The following FOXP1 variants were observed in gnomAD, a reference collection of about 807,000 sequenced individuals.
FOXP1 encodes the protein forkhead box P1.
A neutral mutation model predicts 98.2 loss-of-function variants in FOXP1; 15 were observed. The observed-to-expected ratio is 0.15, with a 90% CI of 0.10 to 0.24. The LOEUF (loss-of-function observed/expected upper bound fraction) is 0.24. Ranked by LOEUF, FOXP1 falls within the 10% of genes least tolerant of loss-of-function variation. The pLI is 1.00. For missense variants in FOXP1, 633 were observed against 848.5 expected (o/e 0.75, Z 3.15); for synonymous variants, 371 against 314.5 (o/e 1.18, Z -1.90).
intron 6 of FOXP1, among the ~76,000 whole-genome samples, chr3:71,196,013 G>C (rs975965142): frequency 9.9e-5 from 15 of 152,120 alleles, no homozygotes; most frequent in African/African-American, 3.6e-4. Flanking sequence ...ATACTTAGGG[G>C]AGTTGAACAG....
At chr3:70,967,710 G>GTTTTTTTTTTTTTTTTTTTTTTTT (rs756777959) in intron 19 of FOXP1, among the ~76,000 whole-genome samples, 9 of 68,874 alleles carry the variant, frequency 1.3e-4, no homozygotes, top group Non-Finnish European at 1.6e-4. Flanking sequence ...GTTTTTTTTT[G>GTTTTTTTTTTTTTTTTTTTTTTTT]TTTTTTTTTT....
At position 71,167,898 on chromosome 3, in the gene FOXP1, C is replaced by G. The variant is rs2061466980; in HGVS notation, c.180+30304G>C. Among the ~76,000 whole-genome samples, 2 of 152,174 alleles carry G rather than the reference C, an allele frequency of 1.3e-5. 1 individual carries two copies. Among genetic ancestry groups the G allele is most frequent in the South Asian group, 4.1e-4 (2 of 4,824 alleles). On this transcript the variant is annotated intron_variant, in intron 6 of 20. Transcript: ENST00000649528. ...CTTACTTGTAGAGCTAACTTCTACA[C>G]TCCTGCAATATGTTCCTTAACATTG...
At chr3:71,011,910 G>A (rs1158322695) in intron 12 of FOXP1, among the ~76,000 whole-genome samples, 1 of 152,092 alleles carries the variant, frequency 6.6e-6, no homozygotes, top group East Asian at 1.9e-4. Context: ...CAATTCTAAT[G>A]ATCTTTATTT....
chr3:71,305,248 G>A (rs1323405313), intron 4 of FOXP1, among the ~76,000 whole-genome samples: 1 of 152,178 alleles, frequency 6.6e-6, no homozygotes, highest in African/African-American at 2.4e-5. Context: ...AATTCCTAGA[G>A]CAAACAGTTA....
chr3:71,412,700 G>A (rs908825926), intron 3 of FOXP1, among the ~76,000 whole-genome samples: 4 of 152,100 alleles, frequency 2.6e-5, no homozygotes, highest in Non-Finnish European at 5.9e-5. Context: ...GTAGTCCCAA[G>A]AAACACTGGG....
At chr3:71,092,645 G>A (rs1230640670) in intron 7 of FOXP1, among the ~76,000 whole-genome samples, 1 of 152,088 alleles carries the variant, frequency 6.6e-6, no homozygotes, top group East Asian at 1.9e-4. Flanking sequence ...TCCATCTTAA[G>A]CCTGCACAAA....
intron 2 of FOXP1, among the ~76,000 whole-genome samples, chr3:71,515,447 A>AC (rs1553906425): frequency 2.1e-5 from 3 of 145,218 alleles, no homozygotes; most frequent in Admixed American, 1.4e-4. Flanking sequence ...AAAAAAAAAA[A>AC]AAAAAACTGC....
At chr3:71,248,921 A>G (rs2067972030) in intron 5 of FOXP1, among the ~76,000 whole-genome samples, 1 of 152,170 alleles carries the variant, frequency 6.6e-6, no homozygotes, top group Non-Finnish European at 1.5e-5. Context: ...GTGGTCACTG[A>G]TCACAAAAAA....
intron 3 of FOXP1, among the ~76,000 whole-genome samples, chr3:71,468,340 T>G (rs2088984317): frequency 6.6e-6 from 1 of 152,168 alleles, no homozygotes; most frequent in Non-Finnish European, 1.5e-5. Context: ...TATGCCTGAT[T>G]GACGTGAAGG....
intron 3 of FOXP1, among the ~76,000 whole-genome samples, chr3:71,370,236 T>C (rs1297117028): frequency 2.0e-5 from 3 of 152,058 alleles, no homozygotes; most frequent in Non-Finnish European, 2.9e-5. Flanking sequence ...GCCAAATAGA[T>C]TGAGTAATAC....
rs544916383 is a variant in FOXP1, at chr3:70,979,279, C to CAAAAAAAAAAAAAAAAAAAAA, written c.1147-1271_1147-1251dup. Among the ~76,000 whole-genome samples, 9 of 42,554 alleles carry CAAAAAAAAAAAAAAAAAAAAA rather than the reference C, an allele frequency of 2.1e-4. 3 individuals are homozygous for CAAAAAAAAAAAAAAAAAAAAA. The highest frequency in any genetic ancestry group is 3.4e-4 in the Non-Finnish European group (9 of 26,844). The allele number at this position is 42,554 out of a possible 152,430, so 27.9% of individuals were successfully genotyped here. ...TGGGTGATAGAGTGAGACTCTACCTCAAAAAAAAAAAAAAAAAAAAAAAAA... is the reference window on the plus strand; with the variant it reads ...TGGGTGATAGAGTGAGACTCTACCTCAAAAAAAAAAAAAAAAAAAAAAAAAAAAAAAAAAAAAAAAAAAAAA... On this transcript the variant is annotated intron_variant, in intron 14 of 20. Transcript: ENST00000649528.
intron 3 of FOXP1, among the ~76,000 whole-genome samples, chr3:71,448,529 G>T (rs1235443241): frequency 6.6e-6 from 1 of 152,160 alleles, no homozygotes; most frequent in African/African-American, 2.4e-5. Flanking sequence ...AGGGTCTGTT[G>T]TTATTGACCT....
chr3:71,058,561 C>T (rs1185114817), intron 7 of FOXP1, among the ~76,000 whole-genome samples: 3 of 128,976 alleles, frequency 2.3e-5, no homozygotes, highest in Non-Finnish European at 5.0e-5. Context: ...AATGTCACAA[C>T]AAAACCAAAC....
intron 1 of FOXP1, chr3:71,582,069 G>A (rs1408815185): frequency 2.0e-6 from 2 of 983,698 alleles, no homozygotes; most frequent in African/African-American, 3.5e-5. Context: ...GGCGGGAGCT[G>A]CGCGGGAATG....
At chr3:71,109,372 G>C (rs2057717952) in intron 7 of FOXP1, among the ~76,000 whole-genome samples, 1 of 151,938 alleles carries the variant, frequency 6.6e-6, no homozygotes, top group African/African-American at 2.4e-5. Context: ...ACATAAAGCA[G>C]GGAAGTGTGA....
chr3:71,397,913 A>C (rs759991218), intron 3 of FOXP1, among the ~76,000 whole-genome samples: 4 of 152,176 alleles, frequency 2.6e-5, no homozygotes, highest in Non-Finnish European at 1.5e-5. Flanking sequence ...ATGCAAGGGA[A>C]GGAGGGAGAA....
At chr3:71,121,233 C>T (rs796965721) in intron 6 of FOXP1, among the ~76,000 whole-genome samples, 1 of 152,088 alleles carries the variant, frequency 6.6e-6, no homozygotes, top group African/African-American at 2.4e-5. Flanking sequence ...CTACAAACCC[C>T]ACCGCCAATC....
chr3:71,088,386 T>C (rs1214615063), intron 7 of FOXP1, among the ~76,000 whole-genome samples: 1 of 141,662 alleles, frequency 7.1e-6, no homozygotes, highest in Non-Finnish European at 1.6e-5. Flanking sequence ...TGGTGATACA[T>C]TGTTTTGTTT....
intron 4 of FOXP1, chr3:71,329,669 T>C (rs1226389413): frequency 6.6e-6 from 1 of 151,822 alleles, no homozygotes; most frequent in East Asian, 1.9e-4. Context: ...GTGGGTGAGA[T>C]GAGAAGAACA....
Sources: gnomAD v4.1 joint callset for allele counts (sites outside exome capture counted in the v4.1 genomes callset) on GRCh38, gnomAD v4.1.1 for gene constraint, MANE v1.5 for transcripts, NCBI Gene and HGNC (gene_info 2026-07-23, HGNC 2026-07-21) for gene names.